EIF2AK2: variants seen among roughly 807,000 people sequenced by gnomAD.
EIF2AK2 encodes interferon-induced, double-stranded RNA-activated protein kinase.
EIF2AK2 carries 40 observed loss-of-function variants against 70.5 expected under a neutral mutation model. The ratio of observed to expected loss-of-function variants is 0.57; its 90% CI spans 0.44 to 0.74. The LOEUF (loss-of-function observed/expected upper bound fraction) is 0.74, where lower values mean the gene tolerates loss of function less well. Among genes scored for constraint, EIF2AK2 ranks in the 30% least tolerant of loss-of-function variants. The pLI is 0.00. For missense variants in EIF2AK2, 555 were observed against 644.3 expected, an observed-to-expected ratio of 0.86 and a Z score of 1.50; for synonymous variants, 198 against 220.9, an observed-to-expected ratio of 0.90 and a Z score of 0.92.
chr2:37,107,493 T>C lies in EIF2AK2; in HGVS notation c.1514A>G (p.Asp505Gly). Reference sequence around the variant, plus strand: ...GCTTACTTCTTTTTTATCAAATATATCTGAGATGATGCCATCCCGTAGGTC... The same window carrying C: ...GCTTACTTCTTTTTTATCAAATATACCTGAGATGATGCCATCCCGTAGGTC... ...FTDLRDGIISDIFDKKEKTLL... is the reference protein window; with the variant it reads ...FTDLRDGIISGIFDKKEKTLL... Residue 505 changes from aspartate (D) to glycine (G), a missense_variant, in exon 16 of 17, where the codon GAT becomes GGT. Around this residue, in one of 3 missense-constraint regions of EIF2AK2, gnomAD observed 299 missense variants for 375.4 expected, o/e 0.80. Transcript: ENST00000233057. 1 of 1,612,838 alleles carries C rather than the reference T, an allele frequency of 6.2e-7. No individual in the cohort carries two copies. The highest frequency in any genetic ancestry group is 8.5e-7 in the Non-Finnish European group (1 of 1,179,752).
At chr2:37,147,849 G>C (rs753858159) in intron 2 of EIF2AK2, 27 bp from the exon 3 acceptor site, 1 of 1,463,780 alleles carries the variant, frequency 6.8e-7, no homozygotes, top group Admixed American at 1.7e-5. Flanking sequence ...ATTTGAATGA[G>C]TGATGCTCAC....
At position 37,138,574 on chromosome 2, in the gene EIF2AK2, G is replaced by C. The variant is rs1476780741; in HGVS notation, c.528C>G (p.Tyr176Ter). 1 of 1,613,954 alleles carries C rather than the reference G, an allele frequency of 6.2e-7. No homozygotes were observed. Among genetic ancestry groups the C allele is most frequent in the African/African-American group, 1.3e-5 (1 of 74,916 alleles). Residue 176 changes from tyrosine to a stop codon, truncating the protein, a stop_gained, in exon 7 of 17, where the codon TAC (tyrosine) becomes TAG (stop). Coordinates refer to ENST00000233057, the MANE Select transcript of EIF2AK2 (RefSeq NM_001135651.3). LOFTEE classifies it high-confidence loss of function. Reference protein sequence around the residue: ...LSEETSVKSDYLSSGSFATTC... With the variant: ...LSEETSVKSD The stretch of plus-strand genomic sequence containing the variant: ...TAGTAGCAAAAGAACCAGAGGACAG[G>C]TAGTCAGATTTCTGAAAGAAAAAGT...
At position 37,105,829 on chromosome 2, in the gene EIF2AK2, T is replaced by C. The variant is rs2148660521; in HGVS notation, c.*1444A>G. The C allele has an allele frequency of 6.6e-6, 1 of 152,342 alleles. No individual in the cohort carries two copies. The highest frequency in any genetic ancestry group is 3.4e-3 in the Middle Eastern group (1 of 294). The allele number at this position is 152,342 out of a possible 1,614,324, so 9.4% of individuals were successfully genotyped here. ...TCCTGGGTGGTCTCCTCTCTACTCA[T>C]CTAACACCCTGGCATATAGTTGGAA... On this transcript the variant is annotated 3_prime_UTR_variant, in exon 17 of 17. Transcript: ENST00000233057.
chr2:37,147,217 A>G (rs1056280132), intron 3 of EIF2AK2, among the ~76,000 whole-genome samples: 1 of 152,158 alleles, frequency 6.6e-6, no homozygotes, highest in Admixed American at 6.5e-5. Flanking sequence ...TTATGCCAAG[A>G]GCACTCTCAC....
At chr2:37,144,491 G>A (rs1319905046) in intron 4 of EIF2AK2, among the ~76,000 whole-genome samples, 1 of 152,134 alleles carries the variant, frequency 6.6e-6, no homozygotes, top group African/African-American at 2.4e-5. Context: ...ACTTTCCAGA[G>A]GGACAAAATC....
At position 37,148,896 on chromosome 2, in the gene EIF2AK2, CG is replaced by C. The variant is rs1031579467; in HGVS notation, c.-57del. 1.2e-5 allele frequency: 10 copies of C among 828,748 alleles called. No homozygotes were observed. Among genetic ancestry groups the C allele is most frequent in the African/African-American group, 5.0e-5 (3 of 59,848 alleles). 51.3% of individuals were successfully genotyped at this position (828,748 alleles called of 1,614,324 possible). On this transcript the variant is annotated 5_prime_UTR_variant, in exon 2 of 17. Coordinates refer to ENST00000233057, the MANE Select transcript of EIF2AK2 (RefSeq NM_001135651.3). ...TGTCCAAAATGCACGCAGATAATCA[CG>C]GAAGTGTGGATGTTGATTCTGAAGA...
At chr2:37,111,936 T>TCG (rs1230632016) in intron 14 of EIF2AK2, among the ~76,000 whole-genome samples, 2 of 138,110 alleles carry the variant, frequency 1.4e-5, no homozygotes, top group African/African-American at 5.4e-5. Context: ...TCTCTCTCTC[T>TCG]CTCTATATAT....
chr2:37,120,410 G>A (rs1485354947), intron 12 of EIF2AK2, among the ~76,000 whole-genome samples: 2 of 150,034 alleles, frequency 1.3e-5, no homozygotes, highest in Admixed American at 6.7e-5. Flanking sequence ...GGGAGGCTGA[G>A]GCAAGAGAAT....
At chr2:37,132,729 C>T (rs1392270564) in intron 10 of EIF2AK2, among the ~76,000 whole-genome samples, 1 of 152,206 alleles carries the variant, frequency 6.6e-6, no homozygotes, top group Non-Finnish European at 1.5e-5. Flanking sequence ...AGCCATTTTC[C>T]ATCAATGCTC....
chr2:37,148,862 T>G lies in EIF2AK2; in HGVS notation c.-22A>C, dbSNP rs569742196. On this transcript the variant is annotated 5_prime_UTR_variant, in exon 2 of 17. Transcript: ENST00000233057. ...ATTCGGAAGACCGCTTGTACCTGGT[T>G]GGAAGCTTTGTCCAAAATGCACGCA... 15 of 846,456 alleles carry G rather than the reference T, an allele frequency of 1.8e-5. No individual in the cohort carries two copies. The highest frequency in any genetic ancestry group is 1.6e-4 in the South Asian group (12 of 75,156). 52.4% of individuals were successfully genotyped at this position (846,456 alleles called of 1,614,324 possible).
chr2:37,108,763 T>G (rs1265642196), intron 15 of EIF2AK2, among the ~76,000 whole-genome samples: 1 of 152,146 alleles, frequency 6.6e-6, no homozygotes, highest in African/African-American at 2.4e-5. Context: ...AGAGATGAGA[T>G]TTCACCACGT....
At chr2:37,139,830 A>G (rs1675266500) in intron 5 of EIF2AK2, 73 bp from the exon 6 acceptor site, 8 of 1,436,950 alleles carry the variant, frequency 5.6e-6, no homozygotes, top group Non-Finnish European at 7.6e-6. Flanking sequence ...TTCAAAAAAA[A>G]TAACATATTA....
intron 8 of EIF2AK2, among the ~76,000 whole-genome samples, chr2:37,137,775 AC>A (rs1675177924): frequency 6.6e-6 from 1 of 152,140 alleles, no homozygotes; most frequent in African/African-American, 2.4e-5. Context: ...GACAGAAGTG[AC>A]GTGTGGAAGG....
chr2:37,149,780 T>C (rs1253490889), intron 1 of EIF2AK2, among the ~76,000 whole-genome samples: 2 of 152,212 alleles, frequency 1.3e-5, no homozygotes, highest in African/African-American at 4.8e-5. Flanking sequence ...TCATGATCAG[T>C]GACCAGTCGT....
At chr2:37,128,451 C>T (rs1400234308) in intron 10 of EIF2AK2, among the ~76,000 whole-genome samples, 1 of 151,910 alleles carries the variant, frequency 6.6e-6, no homozygotes, top group African/African-American at 2.4e-5. Context: ...CAGAGAAATC[C>T]ACATAAGCAT....
chr2:37,147,472 C>G (rs1404941804), intron 3 of EIF2AK2, among the ~76,000 whole-genome samples: 1 of 120,748 alleles, frequency 8.3e-6, no homozygotes, highest in Non-Finnish European at 1.7e-5. Flanking sequence ...CTCCCCCCAC[C>G]CCACAACAGT....
intron 11 of EIF2AK2, 113 bp from the exon 12 acceptor site, chr2:37,122,777 T>C: frequency 7.3e-7 from 1 of 1,362,000 alleles, no homozygotes; most frequent in South Asian, 1.3e-5. Flanking sequence ...ACCATTGCTG[T>C]GGTTCTCACA....
chr2:37,133,097 A>T (rs1376658853), intron 10 of EIF2AK2, among the ~76,000 whole-genome samples: 1 of 151,984 alleles, frequency 6.6e-6, no homozygotes, highest in East Asian at 1.9e-4. Context: ...TCCCCTATCA[A>T]CCCCAGTCTT....
chr2:37,153,082 C>T (rs1484894238), intron 1 of EIF2AK2, among the ~76,000 whole-genome samples: 3 of 152,076 alleles, frequency 2.0e-5, no homozygotes, highest in East Asian at 3.9e-4. Context: ...GAACCAGTTC[C>T]GACAGCTACT....
Sources: gnomAD v4.1 joint callset for allele counts (sites outside exome capture counted in the v4.1 genomes callset) on GRCh38, gnomAD v4.1.1 for gene constraint, gnomAD v4.1.1 regional missense constraint, MANE v1.5 for transcripts, NCBI Gene and HGNC (gene_info 2026-07-23, HGNC 2026-07-21) for gene names.